Variants in KCTD1 observed in about 807,000 individuals in gnomAD.
The protein encoded by KCTD1 is potassium channel tetramerization domain containing 1, also known as BTB/POZ domain-containing protein KCTD1.
A neutral mutation model predicts 66.0 loss-of-function variants in KCTD1; 24 were observed. That is an observed-to-expected ratio of 0.36 (90% CI 0.26 to 0.51). The LOEUF (loss-of-function observed/expected upper bound fraction) is 0.51, where lower values mean the gene tolerates loss of function less well. KCTD1 is among the 20% of genes least tolerant of loss of function. The probability of loss-of-function intolerance (pLI) is 0.95; values close to 1 mark genes in which losing one functional copy is unlikely to be tolerated. For synonymous variants in KCTD1, 511 were observed against 517.2 expected (o/e 0.99, Z 0.16); for missense variants, 943 against 1,205.2 (o/e 0.78, Z 3.22).
upstream of KCTD1, among the ~76,000 whole-genome samples, chr18:26,551,619 G>A (rs903432106): frequency 2.6e-5 from 4 of 151,678 alleles, no homozygotes; most frequent in Non-Finnish European, 5.9e-5. Context: ...CAGAAAAACA[G>A]ATATATACCC....
chr18:26,502,808 T>C (rs16942373), intron 1 of KCTD1, among the ~76,000 whole-genome samples: 4,309 of 152,312 alleles, frequency 0.028, 190 homozygotes, highest in African/African-American at 0.099. Flanking sequence ...TAAGGCACAC[T>C]GAAGGGATTT....
intron 3 of KCTD1, among the ~76,000 whole-genome samples, chr18:26,461,063 A>C (rs576456271): frequency 6.6e-6 from 1 of 152,368 alleles, no homozygotes; most frequent in African/African-American, 2.4e-5. Flanking sequence ...TGTTGCAAAC[A>C]TGTGGTCCGA....
intron 2 of KCTD1, among the ~76,000 whole-genome samples, chr18:26,487,940 G>C (rs1352025698): frequency 6.6e-6 from 1 of 152,144 alleles, no homozygotes; most frequent in Non-Finnish European, 1.5e-5. Context: ...TCATGTACAG[G>C]CATTGAAAAG....
chr18:26,612,821 A>T (rs1389768256), intron 1 of KCTD1, among the ~76,000 whole-genome samples: 1 of 152,190 alleles, frequency 6.6e-6, no homozygotes, highest in Non-Finnish European at 1.5e-5. Context: ...GGCTCAGCAC[A>T]TGTGTTTTCC....
At chr18:26,546,704 A>G (rs748113006) in intron 1 of KCTD1, 24 bp downstream of exon 1, 2 of 1,530,974 alleles carry the variant, frequency 1.3e-6, no homozygotes, top group Admixed American at 2.1e-5. Context: ...GAAACATTTC[A>G]TGCATAGAGT....
chr18:26,607,513 A>T (rs1178931743), intron 1 of KCTD1, among the ~76,000 whole-genome samples: 1 of 152,198 alleles, frequency 6.6e-6, no homozygotes, highest in African/African-American at 2.4e-5. Context: ...AGCATATGTA[A>T]TTCTTTCTCT....
At chr18:26,617,679 C>T (rs1383802131) in intron 1 of KCTD1, among the ~76,000 whole-genome samples, 3 of 152,124 alleles carry the variant, frequency 2.0e-5, no homozygotes, top group South Asian at 2.1e-4. Context: ...ATGTATAATG[C>T]GGTGTCCAAA....
intron 1 of KCTD1, among the ~76,000 whole-genome samples, chr18:26,517,658 CAAAAAAAAAA>C (rs968619785): frequency 3.7e-5 from 2 of 53,398 alleles, no homozygotes; most frequent in South Asian, 1.7e-3. Context: ...ACTCCGTCTC[CAAAAAAAAAA>C]AAAAAAAAAA....
chr18:26,645,723 C>T (rs1987916550), intron 1 of KCTD1, among the ~76,000 whole-genome samples: 1 of 152,114 alleles, frequency 6.6e-6, no homozygotes, highest in Non-Finnish European at 1.5e-5. Context: ...TATTTCCCTC[C>T]AGGAGCATCT....
chr18:26,548,531 C>T lies in KCTD1; in HGVS notation c.6G>A (p.Ala2=). The T allele has an allele frequency of 8.1e-7, 1 of 1,228,194 alleles. No individual in the cohort carries two copies. 76.1% of individuals were successfully genotyped at this position (1,228,194 alleles called of 1,614,324 possible). A position where few individuals can be genotyped will look rare whatever the true frequency, so the allele number is the denominator to read the frequency against. Residue 2 remains alanine (A), a synonymous_variant, in exon 1 of 5, where the codon GCG becomes GCA. Transcript: ENST00000580059. M[A]RMPGSGDCNT... is the part of the protein sequence containing the mutation. ...TACAGTCCCCGCTGCCAGGCATTCT[C>T]GCCATATTGCCGTCTCTCTGCCAGT...
intron 1 of KCTD1, among the ~76,000 whole-genome samples, chr18:26,512,692 A>T (rs1034429297): frequency 6.6e-6 from 1 of 152,020 alleles, no homozygotes; most frequent in Non-Finnish European, 1.5e-5. Context: ...GTAAATAAAA[A>T]TTTTTTGGCC....
chr18:26,548,525 C>A lies in KCTD1; in HGVS notation c.12G>T (p.Met4Ile). Reference protein sequence around the residue: MARMPGSGDCNTSA... With the variant: MARIPGSGDCNTSA... Reference sequence around the variant, plus strand: ...TGGTGTTACAGTCCCCGCTGCCAGGCATTCTCGCCATATTGCCGTCTCTCT... The same window carrying A: ...TGGTGTTACAGTCCCCGCTGCCAGGAATTCTCGCCATATTGCCGTCTCTCT... Residue 4 changes from methionine (M) to isoleucine (I), a missense_variant, in exon 1 of 5, where the codon ATG (methionine) becomes ATT (isoleucine). By Grantham distance (10) the Met-to-Ile change is conservative. Around this residue, in one of 10 missense-constraint regions of KCTD1, gnomAD observed 236 missense variants for 206.6 expected, o/e 1.14. Coordinates refer to ENST00000580059, the MANE Select transcript of KCTD1 (RefSeq NM_001142730.3). 1 of 1,238,624 alleles carries A rather than the reference C, an allele frequency of 8.1e-7. No individual in the cohort carries two copies. The highest frequency in any genetic ancestry group is 1.0e-6 in the Non-Finnish European group (1 of 995,768). 76.7% of individuals were successfully genotyped at this position (1,238,624 alleles called of 1,614,324 possible).
At position 26,624,738 on chromosome 18, in the gene KCTD1, T is replaced by TG. The variant is rs543890420; in HGVS notation, c.-16+4408dup. On this transcript the variant is annotated intron_variant, in intron 1 of 4. Transcript: ENST00000317932. ...CTACGAGGAGTGCCCACTGGGGCAC[T>TG]GGCTAGTGGAACTGTGAGAAGAGGA... 5.8e-4 allele frequency among the ~76,000 whole-genome samples: 88 copies of TG among 152,328 alleles called. No individual in the cohort carries two copies. The Middle Eastern group carries it at 0.01, about 18-fold the overall frequency.
At chr18:26,610,208 A>G (rs1987103779) in intron 1 of KCTD1, among the ~76,000 whole-genome samples, 1 of 151,876 alleles carries the variant, frequency 6.6e-6, no homozygotes. Flanking sequence ...CTTTCTGTAT[A>G]TAGTGTGAGG....
At chr18:26,599,485 G>T in intron 1 of KCTD1, 7 of 1,608,210 alleles carry the variant, frequency 4.4e-6, no homozygotes, top group Admixed American at 1.7e-5. Flanking sequence ...GCTCTGAAAG[G>T]TCTGGTGGAT....
chr18:26,589,532 C>A (rs1325293874), intron 1 of KCTD1, among the ~76,000 whole-genome samples: 2 of 152,102 alleles, frequency 1.3e-5, no homozygotes, highest in East Asian at 3.8e-4. Flanking sequence ...GTCTTTCAGA[C>A]TTTAAATAAA....
At chr18:26,574,867 A>G (rs1986188724) in intron 1 of KCTD1, among the ~76,000 whole-genome samples, 1 of 152,140 alleles carries the variant, frequency 6.6e-6, no homozygotes, top group Admixed American at 6.5e-5. Context: ...CCTGGGCCCT[A>G]TGAGAAACAA....
At chr18:26,613,661 T>C (rs1987186230) in intron 1 of KCTD1, among the ~76,000 whole-genome samples, 1 of 152,234 alleles carries the variant, frequency 6.6e-6, no homozygotes, top group African/African-American at 2.4e-5. Flanking sequence ...ATAAGCTTTA[T>C]AAATTGTAAA....
chr18:26,580,000 G>A (rs1567999567), intron 1 of KCTD1, among the ~76,000 whole-genome samples: 1 of 152,142 alleles, frequency 6.6e-6, no homozygotes, highest in Non-Finnish European at 1.5e-5. Context: ...AGCCCTTGTG[G>A]ATTCTCTCAG....
Sources: gnomAD v4.1 joint callset for allele counts (sites outside exome capture counted in the v4.1 genomes callset) on GRCh38, gnomAD v4.1.1 for gene constraint, gnomAD v4.1.1 regional missense constraint, MANE v1.5 for transcripts, NCBI Gene and HGNC (gene_info 2026-07-23, HGNC 2026-07-21) for gene names.